UTRN: variants seen among roughly 807,000 people sequenced by gnomAD.
UTRN encodes the protein utrophin.
In UTRN, 283 loss-of-function variants were observed where a neutral mutation model predicts 463.9. That is an observed-to-expected ratio of 0.61 (90% CI 0.55 to 0.67). UTRN has a LOEUF of 0.67. UTRN is among the 30% of genes least tolerant of loss of function. UTRN has a pLI of 0.00. For missense variants in UTRN, 3,922 were observed against 4,084.3 expected (o/e 0.96, Z 1.08); for synonymous variants, 1,442 against 1,431.5 (o/e 1.01, Z -0.17).
intron 3 of UTRN, among the ~76,000 whole-genome samples, chr6:144,403,670 T>TC (rs1469361606): frequency 1.3e-5 from 2 of 152,126 alleles, no homozygotes; most frequent in Admixed American, 1.3e-4. Flanking sequence ...CTTCCTTAAT[T>TC]CCTCCCCCAC....
chr6:144,828,054 A>T (rs2128756501), intron 68 of UTRN, among the ~76,000 whole-genome samples: 1 of 152,222 alleles, frequency 6.6e-6, no homozygotes, highest in Middle Eastern at 3.4e-3. Context: ...ATGCTTTAGG[A>T]TAGGGGTTTA....
At chr6:144,328,035 A>G (rs1274900272) in intron 2 of UTRN, among the ~76,000 whole-genome samples, 1 of 152,160 alleles carries the variant, frequency 6.6e-6, no homozygotes, top group African/African-American at 2.4e-5. Flanking sequence ...GGCTAGAACT[A>G]GGACAACACT....
intron 2 of UTRN, among the ~76,000 whole-genome samples, chr6:144,303,477 G>T (rs1416900455): frequency 6.6e-6 from 1 of 152,174 alleles, no homozygotes; most frequent in African/African-American, 2.4e-5. Context: ...TTTTTCTCTA[G>T]AATTTTCTTG....
intron 17 of UTRN, 21 bp from the exon 18 acceptor site, chr6:144,451,349 C>A: frequency 6.3e-7 from 1 of 1,595,174 alleles, no homozygotes; most frequent in South Asian, 1.1e-5. Context: ...GACAAATGGT[C>A]ACCTCTGAAT....
intron 58 of UTRN, chr6:144,758,249 A>G (rs1792226883): frequency 3.6e-6 from 1 of 275,506 alleles, no homozygotes; most frequent in Non-Finnish European, 6.8e-6. Flanking sequence ...ACAATAAGCT[A>G]TGATGGCCAT....
intron 2 of UTRN, among the ~76,000 whole-genome samples, chr6:144,371,594 A>G (rs1404536564): frequency 2.0e-5 from 3 of 152,166 alleles, no homozygotes; most frequent in African/African-American, 4.8e-5. Flanking sequence ...TATTTTTAGT[A>G]GAGATGGGGT....
chr6:144,352,471 A>G (rs1191653699), intron 2 of UTRN, among the ~76,000 whole-genome samples: 2 of 152,194 alleles, frequency 1.3e-5, no homozygotes, highest in East Asian at 3.8e-4. Flanking sequence ...GACATTTTGC[A>G]AGTTGGTTGA....
intron 73 of UTRN, 83 bp from the exon 74 acceptor site, chr6:144,846,722 T>C: frequency 2.5e-6 from 4 of 1,573,166 alleles, no homozygotes; most frequent in South Asian, 2.2e-5. Flanking sequence ...AGTGATACTT[T>C]CCACGCATTT....
intron 43 of UTRN, among the ~76,000 whole-genome samples, chr6:144,535,977 G>A (rs887342561): frequency 1.3e-5 from 2 of 151,974 alleles, no homozygotes; most frequent in African/African-American, 4.8e-5. Context: ...ATAAGGTCTT[G>A]CCATGTTGTC....
At chr6:144,689,551 G>A (rs1562769513) in intron 52 of UTRN, among the ~76,000 whole-genome samples, 1 of 152,148 alleles carries the variant, frequency 6.6e-6, no homozygotes, top group South Asian at 2.1e-4. Flanking sequence ...AGACTATTGT[G>A]AATGCTGCTG....
At chr6:144,749,308 G>A (rs998081112) in intron 55 of UTRN, among the ~76,000 whole-genome samples, 1 of 152,152 alleles carries the variant, frequency 6.6e-6, no homozygotes, top group Non-Finnish European at 1.5e-5. Flanking sequence ...TATTAAATAT[G>A]TCAAAACAAC....
chr6:144,570,991 A>G (rs17793570), intron 50 of UTRN, among the ~76,000 whole-genome samples: 21,609 of 152,176 alleles, frequency 0.14, 2,031 homozygotes, highest in South Asian at 0.31. Flanking sequence ...AGCTGTTGCC[A>G]TATAACCTAT....
chr6:144,614,705 T>A (rs1206551971), intron 51 of UTRN, among the ~76,000 whole-genome samples: 2 of 152,176 alleles, frequency 1.3e-5, no homozygotes, highest in Admixed American at 6.6e-5. Flanking sequence ...ATGAATTAAC[T>A]TGTAAATGAG....
At position 144,667,355 on chromosome 6, in the gene UTRN, G is replaced by A. The variant is rs543098070; in HGVS notation, c.7480-11051G>A. ...TTCCAGGCTTGAGCCACTGTGCCCG[G>A]CCTTTTACTTTTTGCTTCTCTTCAA... On this transcript the variant is annotated intron_variant, in intron 51 of 74. Transcript: ENST00000367545. Among the ~76,000 whole-genome samples, 10 of 152,228 alleles carry A rather than the reference G, an allele frequency of 6.6e-5. No individual in the cohort carries two copies. In the East Asian group the frequency reaches 1.9e-3, roughly 29 times the overall value.
chr6:144,459,824 A>G (rs1426514646), intron 21 of UTRN, among the ~76,000 whole-genome samples: 3 of 151,956 alleles, frequency 2.0e-5, no homozygotes, highest in African/African-American at 7.3e-5. Context: ...TCCTGGGCTC[A>G]AGTGATCTTC....
At chr6:144,506,739 T>C (rs2128588173) in intron 34 of UTRN, among the ~76,000 whole-genome samples, 1 of 152,280 alleles carries the variant, frequency 6.6e-6, no homozygotes, top group South Asian at 2.1e-4. Context: ...TTATGTGTCT[T>C]GGGGTTGCTC....
At chr6:144,359,426 C>A (rs1778847664) in intron 2 of UTRN, among the ~76,000 whole-genome samples, 1 of 152,304 alleles carries the variant, frequency 6.6e-6, no homozygotes, top group East Asian at 1.9e-4. Context: ...TTGGCACCAT[C>A]CTTCATTTCA....
intron 51 of UTRN, among the ~76,000 whole-genome samples, chr6:144,644,883 T>C (rs1778133187): frequency 6.6e-6 from 1 of 152,180 alleles, no homozygotes. Context: ...AGAACCATAG[T>C]ATTCCAGATA....
intron 2 of UTRN, among the ~76,000 whole-genome samples, chr6:144,322,453 C>G (rs1239774113): frequency 1.3e-5 from 2 of 152,106 alleles, no homozygotes; most frequent in African/African-American, 4.8e-5. Context: ...TCTCAGCTGC[C>G]CTGCAGGGGA....
Sources: gnomAD v4.1 joint callset for allele counts (sites outside exome capture counted in the v4.1 genomes callset) on GRCh38, gnomAD v4.1.1 for gene constraint, MANE v1.5 for transcripts, NCBI Gene and HGNC (gene_info 2026-07-23, HGNC 2026-07-21) for gene names.